Variants in ANKRD30A observed in about 807,000 individuals in gnomAD.
The protein encoded by ANKRD30A is ankyrin repeat domain-containing protein 30A.
A neutral mutation model predicts 166.3 loss-of-function variants in ANKRD30A; 170 were observed. The observed-to-expected ratio is 1.02, with a 90% CI of 0.90 to 1.16. The LOEUF (loss-of-function observed/expected upper bound fraction) is 1.16. Ranked by LOEUF, ANKRD30A falls within the 50% of genes most tolerant of loss-of-function variation. The probability of loss-of-function intolerance (pLI) is 0.00; values close to 1 mark genes in which losing one functional copy is unlikely to be tolerated. For synonymous variants in ANKRD30A, 564 were observed against 508.9 expected (o/e 1.11, Z -1.46); for missense variants, 1,630 against 1,518.0 (o/e 1.07, Z -1.23).
chr10:37,263,826 T>C, the ANKRD30A span, among the ~76,000 whole-genome samples: 1 of 152,134 alleles, frequency 6.6e-6, no homozygotes, highest in Non-Finnish European at 1.5e-5. Flanking sequence ...ACAGTGGCAA[T>C]TAATCCAGGT....
At chr10:37,227,869 AAG>A (rs1381498153) in intron 34 of ANKRD30A, among the ~76,000 whole-genome samples, 1 of 151,960 alleles carries the variant, frequency 6.6e-6, no homozygotes, top group Non-Finnish European at 1.5e-5. Flanking sequence ...CCATCCTGGG[AAG>A]AGAAGAGTCA....
At chr10:37,232,654 T>TTATATATATATATATA (rs10559316), downstream of ANKRD30A, 726 of 54,010 alleles carry the variant, frequency 0.013, 12 homozygotes, top group South Asian at 0.027. Flanking sequence ...AGCATTGGTT[T>TTATATATATATATATA]TATATATATA....
chr10:37,149,227 G>A (rs1266586139), intron 9 of ANKRD30A, among the ~76,000 whole-genome samples: 3 of 151,970 alleles, frequency 2.0e-5, no homozygotes, highest in African/African-American at 7.2e-5. Flanking sequence ...TCACTGATGA[G>A]ATGTCAATTC....
At chr10:37,261,075 G>GT in the ANKRD30A span, among the ~76,000 whole-genome samples, 5 of 152,096 alleles carry the variant, frequency 3.3e-5, no homozygotes, top group Admixed American at 6.6e-5. Flanking sequence ...ATAAAAGGTG[G>GT]TTGGCTCTGT....
At chr10:37,251,176 G>T in the ANKRD30A span, among the ~76,000 whole-genome samples, 3 of 152,196 alleles carry the variant, frequency 2.0e-5, no homozygotes, top group African/African-American at 7.2e-5. Flanking sequence ...GGCAAGAGTA[G>T]GGGCTGCTAT....
rs1842642839 is a variant in ANKRD30A, at chr10:37,217,112, T to C, written c.3084-583T>C. ...AGAGATTTAAAATTTGTTGATAAAATATATAATAATCAACAAGGTACGTTT... is the reference window on the plus strand; with the variant it reads ...AGAGATTTAAAATTTGTTGATAAAACATATAATAATCAACAAGGTACGTTT... On this transcript the variant is annotated intron_variant, in intron 32 of 35. Transcript: ENST00000361713. 2.0e-5 allele frequency among the ~76,000 whole-genome samples: 3 copies of C among 151,074 alleles called. No homozygotes were observed. The South Asian group carries it at 6.2e-4, about 31-fold the overall frequency.
At chr10:37,254,598 T>C in the ANKRD30A span, among the ~76,000 whole-genome samples, 4 of 152,048 alleles carry the variant, frequency 2.6e-5, no homozygotes, top group Non-Finnish European at 2.9e-5. Context: ...TCTTTGTGTG[T>C]TTTAGATACA....
chr10:37,192,319 C>T (rs994796269), intron 25 of ANKRD30A, among the ~76,000 whole-genome samples: 11 of 151,980 alleles, frequency 7.2e-5, no homozygotes, highest in Non-Finnish European at 1.3e-4. Context: ...GCTGGAATTA[C>T]AGGCATGAGC....
intron 11 of ANKRD30A, among the ~76,000 whole-genome samples, 167 bp from the exon 12 acceptor site, chr10:37,151,893 A>G (rs1837965306): frequency 6.6e-6 from 1 of 152,100 alleles, no homozygotes; most frequent in African/African-American, 2.4e-5. Flanking sequence ...TTAGATTTCA[A>G]TTCTAATGGA....
chr10:37,141,408 T>G (rs1489389018), intron 6 of ANKRD30A, among the ~76,000 whole-genome samples: 1 of 151,660 alleles, frequency 6.6e-6, no homozygotes, highest in African/African-American at 2.4e-5. Context: ...CCGTCTCTAC[T>G]AAATATGAAA....
intron 17 of ANKRD30A, 110 bp downstream of exon 17, chr10:37,162,958 A>T: frequency 3.7e-6 from 5 of 1,360,320 alleles, no homozygotes; most frequent in Non-Finnish European, 5.1e-6. Context: ...AAAAGATTTG[A>T]TCTAGATAAT....
chr10:37,139,385 G>A (rs1427225321), intron 6 of ANKRD30A, among the ~76,000 whole-genome samples: 2 of 152,168 alleles, frequency 1.3e-5, no homozygotes, highest in Non-Finnish European at 2.9e-5. Context: ...AAGTTTTAAT[G>A]ACAAAAGCTT....
At chr10:37,203,304 A>G (rs1841774443) in intron 31 of ANKRD30A, among the ~76,000 whole-genome samples, 2 of 152,226 alleles carry the variant, frequency 1.3e-5, no homozygotes. Flanking sequence ...AGTTGGCTTC[A>G]TCCCTGGGAT....
At chr10:37,193,911 T>C (rs1362125120) in intron 27 of ANKRD30A, among the ~76,000 whole-genome samples, 9 of 152,138 alleles carry the variant, frequency 5.9e-5, no homozygotes, top group Non-Finnish European at 1.2e-4. Flanking sequence ...CATTTTACAA[T>C]AGGCCGTGCA....
intron 15 of ANKRD30A, among the ~76,000 whole-genome samples, chr10:37,161,434 G>C (rs1838859590): frequency 6.6e-6 from 1 of 152,092 alleles, no homozygotes; most frequent in Admixed American, 6.6e-5. Context: ...TACAGAGTTA[G>C]AGGTTTTTTT....
intron 5 of ANKRD30A, among the ~76,000 whole-genome samples, chr10:37,134,905 AGAT>A (rs1397851208): frequency 6.6e-6 from 1 of 152,194 alleles, no homozygotes; most frequent in Non-Finnish European, 1.5e-5. Flanking sequence ...TTTTGTTACC[AGAT>A]CTATATCCCT....
At chr10:37,200,650 T>C (rs1382809387) in intron 30 of ANKRD30A, among the ~76,000 whole-genome samples, 1 of 152,130 alleles carries the variant, frequency 6.6e-6, no homozygotes, top group Non-Finnish European at 1.5e-5. Context: ...GCATTTGCAT[T>C]CTATTCAAGC....
intron 27 of ANKRD30A, among the ~76,000 whole-genome samples, chr10:37,195,305 A>C (rs1229030006): frequency 6.6e-6 from 1 of 152,146 alleles, no homozygotes; most frequent in Non-Finnish European, 1.5e-5. Flanking sequence ...TTTATAATGA[A>C]AAGAGTTGGT....
chr10:37,142,256 T>C lies in ANKRD30A; in HGVS notation c.1359T>C (p.Pro453=). 1 of 1,598,164 alleles carries C rather than the reference T, an allele frequency of 6.3e-7. No homozygotes were observed. Among genetic ancestry groups the C allele is most frequent in the Non-Finnish European group, 8.5e-7 (1 of 1,176,006 alleles). Residue 453 remains proline, a synonymous_variant, in exon 7 of 36, where the codon CCT becomes CCC. Transcript: ENST00000361713. ...EKGRSKMIAC[P]TKESSTKASA... ...GAAGATCTAAGATGATTGCATGTCC[T>C]ACAAAAGAATCATCTACAAAAGCAA... is the stretch of plus-strand genomic sequence containing the variant.
Sources: gnomAD v4.1 joint callset for allele counts (sites outside exome capture counted in the v4.1 genomes callset) on GRCh38, gnomAD v4.1.1 for gene constraint, MANE v1.5 for transcripts, NCBI Gene and HGNC (gene_info 2026-07-23, HGNC 2026-07-21) for gene names.